The following SLC38A12 variants were observed in gnomAD, a reference collection of about 807,000 sequenced individuals.
SLC38A12 encodes putative sodium-coupled neutral amino acid transporter 12.
chr17:74,806,641 G>T, the SLC38A12 span, among the ~76,000 whole-genome samples: 1 of 152,118 alleles, frequency 6.6e-6, no homozygotes, highest in African/African-American at 2.4e-5. Context: ...TCTTCCTGCC[G>T]TGGGGAAGAA....
the SLC38A12 span, chr17:74,795,568 A>G: frequency 8.1e-6 from 13 of 1,614,064 alleles, 1 homozygote; most frequent in South Asian, 4.4e-5. Flanking sequence ...GCAGACACCA[A>G]ATACAATGAC....
At chr17:74,825,877 C>T in the SLC38A12 span, among the ~76,000 whole-genome samples, 2 of 152,202 alleles carry the variant, frequency 1.3e-5, no homozygotes, top group Non-Finnish European at 2.9e-5. Flanking sequence ...GCTGCCACGG[C>T]CCACAGCAAC....
the SLC38A12 span, among the ~76,000 whole-genome samples, chr17:74,791,558 A>T: frequency 6.6e-6 from 1 of 152,324 alleles, no homozygotes; most frequent in South Asian, 2.1e-4. Flanking sequence ...ATTGCCTCTG[A>T]CCTTGCCCTC....
the SLC38A12 span, among the ~76,000 whole-genome samples, chr17:74,789,583 T>C: frequency 1.4e-5 from 2 of 148,052 alleles, no homozygotes; most frequent in African/African-American, 5.0e-5. Context: ...CAGTGGCTCA[T>C]GCCTGCAATC....
At chr17:74,819,234 A>G in the SLC38A12 span, among the ~76,000 whole-genome samples, 3 of 151,482 alleles carry the variant, frequency 2.0e-5, no homozygotes, top group Non-Finnish European at 4.4e-5. Flanking sequence ...CATCCCGATC[A>G]CTCCTCTCCA....
the SLC38A12 span, among the ~76,000 whole-genome samples, chr17:74,785,145 T>A: frequency 6.6e-6 from 1 of 152,134 alleles, no homozygotes; most frequent in Non-Finnish European, 1.5e-5. Context: ...CCTATGATGC[T>A]CTGTCCCCGG....
the SLC38A12 span, among the ~76,000 whole-genome samples, chr17:74,825,285 G>C: frequency 6.6e-6 from 1 of 152,332 alleles, no homozygotes; most frequent in South Asian, 2.1e-4. Flanking sequence ...GGGCTGTTCC[G>C]TGTCCAGTCA....
chr17:74,826,723 C>T, the SLC38A12 span, among the ~76,000 whole-genome samples: 3 of 152,204 alleles, frequency 2.0e-5, no homozygotes, highest in Non-Finnish European at 4.4e-5. Context: ...TAGGCAGGTG[C>T]CACCCCAGGA....
the SLC38A12 span, among the ~76,000 whole-genome samples, chr17:74,800,434 G>A: frequency 6.6e-6 from 1 of 152,350 alleles, no homozygotes; most frequent in African/African-American, 2.4e-5. Flanking sequence ...CTCTTCCCAA[G>A]GACACTTCCT....
the SLC38A12 span, among the ~76,000 whole-genome samples, chr17:74,821,443 G>A: frequency 3.3e-5 from 5 of 152,176 alleles, no homozygotes; most frequent in South Asian, 4.1e-4. Flanking sequence ...TTAAATTAAC[G>A]TGACTACCTG....
chr17:74,787,249 G>T, the SLC38A12 span, among the ~76,000 whole-genome samples: 1 of 152,122 alleles, frequency 6.6e-6, no homozygotes, highest in African/African-American at 2.4e-5. Context: ...GTCAGGGTGA[G>T]CAGTCAGCCC....
chr17:74,785,355 C>T, the SLC38A12 span: 32 of 1,372,562 alleles, frequency 2.3e-5, no homozygotes, highest in South Asian at 4.5e-4. Context: ...GTCCTGCCTC[C>T]TTCCCTGTCT....
At chr17:74,799,026 A>C in the SLC38A12 span, among the ~76,000 whole-genome samples, 1 of 3,572 alleles carries the variant, frequency 2.8e-4, no homozygotes, top group South Asian at 0.014. Flanking sequence ...GGCGTGTGTC[A>C]CTCTCCCCCT....
At chr17:74,796,660 A>G in the SLC38A12 span, among the ~76,000 whole-genome samples, 2 of 152,226 alleles carry the variant, frequency 1.3e-5, no homozygotes, top group Admixed American at 1.3e-4. Flanking sequence ...CAGTCAGCTA[A>G]TGGTCAGTGT....
chr17:74,830,669 C>T, the SLC38A12 span, among the ~76,000 whole-genome samples: 2 of 152,218 alleles, frequency 1.3e-5, no homozygotes, highest in African/African-American at 4.8e-5. Flanking sequence ...CAGCTCAGTC[C>T]TTGTGTAAAT....
the SLC38A12 span, chr17:74,785,719 A>T: frequency 7.2e-7 from 1 of 1,386,758 alleles, no homozygotes; most frequent in Non-Finnish European, 9.6e-7. Context: ...TCTACCCCGT[A>T]TCGAGCTCAG....
the SLC38A12 span, among the ~76,000 whole-genome samples, chr17:74,782,097 G>A: frequency 1.3e-5 from 2 of 152,230 alleles, no homozygotes; most frequent in African/African-American, 2.4e-5. Flanking sequence ...TGTAACCGTA[G>A]TTGTTTTCTT....
chr17:74,795,506 T>C, the SLC38A12 span: 365 of 1,612,474 alleles, frequency 2.3e-4, 3 homozygotes, highest in Middle Eastern at 1.8e-3. Context: ...CTGGGCCTGC[T>C]GTCATTCTCT....
chr17:74,794,972 C>T, the SLC38A12 span: 5 of 1,528,164 alleles, frequency 3.3e-6, no homozygotes, highest in South Asian at 1.2e-5. Context: ...ATGCAGACAT[C>T]TCTTTGTGGC....
Sources: allele counts gnomAD v4.1 joint callset (sites outside exome capture counted in the v4.1 genomes callset), GRCh38; gene constraint gnomAD v4.1.1; transcripts MANE v1.5; gene names NCBI Gene and HGNC (gene_info 2026-07-23, HGNC 2026-07-21).